The following TMED3 variants were observed in gnomAD, a reference collection of about 807,000 sequenced individuals.
The protein encoded by TMED3 is transmembrane emp24 domain-containing protein 3.
In TMED3, 9 loss-of-function variants were observed where a neutral mutation model predicts 15.0. The observed-to-expected ratio is 0.60, with a 90% CI of 0.36 to 1.04. The LOEUF is 1.04. Among genes scored for constraint, TMED3 ranks in the 50% least tolerant of loss-of-function variants. The pLI is 0.01. For synonymous variants in TMED3, 117 were observed against 121.4 expected, an observed-to-expected ratio of 0.96 and a Z score of 0.24; for missense variants, 267 against 278.9, an observed-to-expected ratio of 0.96 and a Z score of 0.30.
chr15:79,406,103 T>C (rs1372384241), intron 2 of TMED3, among the ~76,000 whole-genome samples: 2 of 152,198 alleles, frequency 1.3e-5, no homozygotes, highest in South Asian at 2.1e-4. Context: ...GCGGAAGCCA[T>C]GTAGATGAAT....
chr15:79,313,831 G>A lies in TMED3; in HGVS notation c.243G>A (p.Thr81=), dbSNP rs1304541558. The part of the protein sequence containing the change: ...DPQGNTIYRE[T]KKQYDSFTYR... ...AGGGGAACACCATCTACAGAGAAACGAAGAAGCAGTACGACAGCTTCACGT... is the reference window on the plus strand; with the variant it reads ...AGGGGAACACCATCTACAGAGAAACAAAGAAGCAGTACGACAGCTTCACGT... Residue 81 remains threonine, a synonymous_variant, in exon 2 of 3, where the codon ACG becomes ACA. Transcript: ENST00000299705. The A allele has an allele frequency of 1.2e-6, 2 of 1,614,106 alleles. No homozygotes were observed. Among genetic ancestry groups the A allele is most frequent in the Admixed American group, 1.7e-5 (1 of 60,012 alleles).
chr15:79,407,174 C>T (rs775282085), intron 2 of TMED3, among the ~76,000 whole-genome samples: 1 of 152,220 alleles, frequency 6.6e-6, no homozygotes, highest in Non-Finnish European at 1.5e-5. Flanking sequence ...GTCTCAACTT[C>T]ATTTGCTGAA....
intron 2 of TMED3, among the ~76,000 whole-genome samples, chr15:79,382,187 A>G (rs1216729161): frequency 6.6e-6 from 1 of 152,196 alleles, no homozygotes; most frequent in Non-Finnish European, 1.5e-5. Flanking sequence ...GGCCTGTCCT[A>G]GGAAGAGATA....
intron 2 of TMED3, among the ~76,000 whole-genome samples, chr15:79,369,764 G>T (rs919037699): frequency 6.6e-6 from 1 of 152,142 alleles, no homozygotes; most frequent in Admixed American, 6.5e-5. Flanking sequence ...CTGTGAAGTG[G>T]TTTATGTCTA....
chr15:79,325,352 A>C (rs2058783498), downstream of TMED3, among the ~76,000 whole-genome samples: 1 of 152,210 alleles, frequency 6.6e-6, no homozygotes. Flanking sequence ...TCTGGTAGTA[A>C]AATGGCTTTG....
At chr15:79,354,332 A>G (rs549158978) in intron 2 of TMED3, among the ~76,000 whole-genome samples, 1 of 152,256 alleles carries the variant, frequency 6.6e-6, no homozygotes, top group South Asian at 2.1e-4. Context: ...CAAGTCCTTG[A>G]CCAACAGTTT....
chr15:79,366,852 A>G (rs1032221725), intron 2 of TMED3, among the ~76,000 whole-genome samples: 1 of 152,188 alleles, frequency 6.6e-6, no homozygotes, highest in Non-Finnish European at 1.5e-5. Context: ...ACTTTTCAGC[A>G]TTCCAGCAGC....
chr15:79,322,989 A>C, downstream of TMED3: 1 of 763,762 alleles, frequency 1.3e-6, no homozygotes, highest in South Asian at 5.9e-5. Flanking sequence ...GTGGGCAAGA[A>C]ATGACTCCTC....
At chr15:79,399,503 G>T (rs1426189402) in intron 2 of TMED3, among the ~76,000 whole-genome samples, 1 of 152,176 alleles carries the variant, frequency 6.6e-6, no homozygotes, top group Non-Finnish European at 1.5e-5. Flanking sequence ...AGAATTGGGA[G>T]TTTTGGGTCT....
At chr15:79,353,040 T>TTA (rs572280873) in intron 2 of TMED3, among the ~76,000 whole-genome samples, 1 of 100,152 alleles carries the variant, frequency 1.0e-5, no homozygotes, top group Non-Finnish European at 1.8e-5. Flanking sequence ...TTTATATATA[T>TTA]TATATATATA....
chr15:79,317,956 A>G (rs1159818588), intron 2 of TMED3, among the ~76,000 whole-genome samples: 1 of 152,228 alleles, frequency 6.6e-6, no homozygotes, highest in Non-Finnish European at 1.5e-5. Flanking sequence ...TTCTGCTCAC[A>G]GAGCCACACG....
intron 2 of TMED3, among the ~76,000 whole-genome samples, chr15:79,351,124 C>G (rs1235897805): frequency 6.6e-6 from 1 of 152,146 alleles, no homozygotes; most frequent in Non-Finnish European, 1.5e-5. Flanking sequence ...TCCTATCATT[C>G]TTTAATAGTT....
Position 79,394,490 on chromosome 15 carries a change from G to A in TMED3, c.418-16910G>A, listed in dbSNP as rs139766238. Among the ~76,000 whole-genome samples the A allele has an allele frequency of 1.4e-4, 21 of 152,318 alleles. 1 individual carries two copies. The South Asian group carries it at 1.4e-3, about 11-fold the overall frequency. ...TTGCAAACAGATTTTGCATTTTGAAGTCTAATTGTTACTGGAGCAGCAGTT... is the reference window on the plus strand; with the variant it reads ...TTGCAAACAGATTTTGCATTTTGAAATCTAATTGTTACTGGAGCAGCAGTT... On this transcript the variant is annotated intron_variant, in intron 2 of 2. Transcript: ENST00000424155.
At chr15:79,360,581 G>A (rs8028403) in intron 2 of TMED3, among the ~76,000 whole-genome samples, 80,211 of 152,182 alleles carry the variant, frequency 0.53, 22,330 homozygotes, top group East Asian at 0.73. Flanking sequence ...ACTGTAGTGT[G>A]TCACTGTAAA....
chr15:79,366,665 C>T (rs1337837955), intron 2 of TMED3, among the ~76,000 whole-genome samples: 4 of 152,318 alleles, frequency 2.6e-5, no homozygotes, highest in Non-Finnish European at 4.4e-5. Flanking sequence ...TCCATCTCAC[C>T]ATTATCCACA....
At chr15:79,359,812 T>C (rs936679664) in intron 2 of TMED3, among the ~76,000 whole-genome samples, 5 of 152,176 alleles carry the variant, frequency 3.3e-5, no homozygotes, top group African/African-American at 1.2e-4. Context: ...CTTATTATTA[T>C]ACATGCCTGG....
At chr15:79,333,689 C>G (rs1251118026) in intron 2 of TMED3, among the ~76,000 whole-genome samples, 1 of 152,188 alleles carries the variant, frequency 6.6e-6, no homozygotes, top group Non-Finnish European at 1.5e-5. Flanking sequence ...TTTCAGCTTT[C>G]AGTAGTGCAC....
chr15:79,383,646 A>G (rs963299627), intron 2 of TMED3: 2 of 152,452 alleles, frequency 1.3e-5, no homozygotes, highest in Admixed American at 6.5e-5. Context: ...CTTGAGTCTC[A>G]GTGTCCAGAG....
downstream of TMED3, among the ~76,000 whole-genome samples, chr15:79,323,328 G>A (rs1201187992): frequency 6.6e-6 from 1 of 152,174 alleles, no homozygotes; most frequent in Non-Finnish European, 1.5e-5. Context: ...ATCCTGCACC[G>A]TCTGACAGGC....
Sources: gnomAD v4.1 joint callset for allele counts (sites outside exome capture counted in the v4.1 genomes callset) on GRCh38, gnomAD v4.1.1 for gene constraint, MANE v1.5 for transcripts, NCBI Gene and HGNC (gene_info 2026-07-23, HGNC 2026-07-21) for gene names.